DYNC2H1: variants seen among roughly 807,000 people sequenced by gnomAD.
The protein encoded by DYNC2H1 is cytoplasmic dynein 2 heavy chain 1.
Under a neutral mutation model 570.0 loss-of-function variants are expected in DYNC2H1, and 410 were observed. The ratio of observed to expected loss-of-function variants is 0.72; its 90% confidence interval spans 0.66 to 0.78. The LOEUF is 0.78. Among genes scored for constraint, DYNC2H1 ranks in the 30% least tolerant of loss-of-function variants. The pLI is 0.00. For synonymous variants in DYNC2H1, 1,688 were observed against 1,677.6 expected (o/e 1.01, Z -0.15); for missense variants, 4,865 against 5,046.4 (o/e 0.96, Z 1.09).
chr11:103,297,034 A>G (rs1866860034), intron 75 of DYNC2H1, among the ~76,000 whole-genome samples: 1 of 151,526 alleles, frequency 6.6e-6, no homozygotes, highest in Non-Finnish European at 1.5e-5. Context: ...TTATTCTTTC[A>G]TTATTACACA....
chr11:103,148,650 CT>C (rs1860368155), intron 20 of DYNC2H1, 33 bp downstream of exon 20: 1 of 1,533,598 alleles, frequency 6.5e-7, no homozygotes, highest in Non-Finnish European at 8.8e-7. Flanking sequence ...ATTATTATTA[CT>C]TTTTACTGCA....
intron 15 of DYNC2H1, 51 bp from the exon 16 acceptor site, chr11:103,135,444 T>C: frequency 7.2e-7 from 1 of 1,392,840 alleles, no homozygotes; most frequent in Non-Finnish European, 9.4e-7. Context: ...AAATGAAAAA[T>C]CCATTCTACT....
chr11:103,267,142 A>G (rs1865541353), intron 70 of DYNC2H1, among the ~76,000 whole-genome samples: 1 of 151,968 alleles, frequency 6.6e-6, no homozygotes, highest in African/African-American at 2.4e-5. Context: ...AAAAGGTTGC[A>G]TCTTGCCGGT....
At chr11:103,454,448 C>T (rs967850943) in intron 85 of DYNC2H1, among the ~76,000 whole-genome samples, 4 of 151,928 alleles carry the variant, frequency 2.6e-5, no homozygotes, top group African/African-American at 9.7e-5. Flanking sequence ...TTAATAACTT[C>T]CTGGTTCCAG....
intron 83 of DYNC2H1, among the ~76,000 whole-genome samples, chr11:103,390,339 C>A (rs7938110): frequency 0.03 from 4,410 of 148,420 alleles, 218 homozygotes; most frequent in African/African-American, 0.11. Flanking sequence ...TTTTTGTTTT[C>A]CATTTGCTTG....
chr11:103,435,804 T>C, intron 84 of DYNC2H1, 139 bp from the exon 85 acceptor site: 1 of 671,792 alleles, frequency 1.5e-6, no homozygotes, highest in Non-Finnish European at 2.6e-6. Context: ...TACTGTTCAA[T>C]TTAATGAGAT....
chr11:103,282,304 G>A, intron 72 of DYNC2H1, 75 bp downstream of exon 72: 1 of 1,329,158 alleles, frequency 7.5e-7, no homozygotes, highest in Non-Finnish European at 1.1e-6. Flanking sequence ...GGTATAATTT[G>A]CTTCAGAGGT....
Position 103,129,005 on chromosome 11 carries a change from G to T in DYNC2H1, c.1953G>T (p.Lys651Asn). ...CCTTAGCATTTGAACAGATAATTAA[G>T]GTAAATGGGCTTTTAATTTTATTAT... is the stretch of plus-strand genomic sequence containing the variant. ...QSALAFEQII[K>N]NSKAGSGGKS... Residue 651 changes from lysine (K) to asparagine (N), a missense_variant and splice_region_variant, in exon 13 of 89, where the codon AAG becomes AAT. Physicochemically the swap from Lys to Asn is moderately conservative, Grantham distance 94. Around this residue, in one of 5 missense-constraint regions of DYNC2H1, gnomAD observed 1,936 missense variants for 1,962.1 expected, o/e 0.99. Coordinates refer to ENST00000375735, the MANE Select transcript of DYNC2H1 (RefSeq NM_001377.3). The surrounding 1 kb of genome is among the most constrained non-coding windows in gnomAD (Gnocchi z 4.1). The T allele has an allele frequency of 6.3e-7, 1 of 1,595,026 alleles. No individual in the cohort carries two copies. Among genetic ancestry groups the T allele is most frequent in the Non-Finnish European group, 8.5e-7 (1 of 1,170,894 alleles).
At chr11:103,167,412 CAT>C (rs1267035731) in intron 31 of DYNC2H1, among the ~76,000 whole-genome samples, 1 of 151,958 alleles carries the variant, frequency 6.6e-6, no homozygotes, top group Non-Finnish European at 1.5e-5. Flanking sequence ...AGATTACAGA[CAT>C]GTGTCATCAT....
At chr11:103,355,956 C>G (rs968178031) in intron 82 of DYNC2H1, among the ~76,000 whole-genome samples, 1 of 152,130 alleles carries the variant, frequency 6.6e-6, no homozygotes, top group Non-Finnish European at 1.5e-5. Flanking sequence ...GTGATCCCCC[C>G]ACCTCAGCCT....
chr11:103,424,924 T>G (rs1321599051), intron 84 of DYNC2H1, among the ~76,000 whole-genome samples: 1 of 152,142 alleles, frequency 6.6e-6, no homozygotes, highest in African/African-American at 2.4e-5. Flanking sequence ...AGACATAATC[T>G]TGAACACAGA....
chr11:103,162,859 A>G (rs529773540), intron 29 of DYNC2H1, among the ~76,000 whole-genome samples, 169 bp from the exon 30 acceptor site: 1 of 152,354 alleles, frequency 6.6e-6, no homozygotes, highest in South Asian at 2.1e-4. Flanking sequence ...AAAGAATTAT[A>G]TTCCTATAAC....
chr11:103,164,709 A>G (rs1861228948), intron 30 of DYNC2H1, among the ~76,000 whole-genome samples: 1 of 152,166 alleles, frequency 6.6e-6, no homozygotes, highest in Non-Finnish European at 1.5e-5. Context: ...GAGCACACTT[A>G]ATTGTCATTA....
At chr11:103,162,132 C>A (rs938037804) in intron 29 of DYNC2H1, among the ~76,000 whole-genome samples, 10 of 151,992 alleles carry the variant, frequency 6.6e-5, no homozygotes, top group African/African-American at 2.4e-4. Flanking sequence ...TGGGCTAGAG[C>A]AGGTATACCA....
At position 103,275,150 on chromosome 11, in the gene DYNC2H1, A is replaced by G. The variant is rs976364306; in HGVS notation, c.10696-5198A>G. Reference sequence around the variant, plus strand: ...TTTATCTATGTAATATTCATTGGCTATGTTATAGTTGTGAATGTGTTTTTT... The same window carrying G: ...TTTATCTATGTAATATTCATTGGCTGTGTTATAGTTGTGAATGTGTTTTTT... On this transcript the variant is annotated intron_variant, in intron 70 of 88. Coordinates refer to ENST00000375735, the MANE Select transcript of DYNC2H1 (RefSeq NM_001377.3). This position sits in a 1 kb window ranked among gnomAD's most constrained non-coding sequence, Gnocchi z 4.8. Among the ~76,000 whole-genome samples the G allele has an allele frequency of 2.6e-5, 4 of 152,172 alleles. No homozygotes were observed. The highest frequency in any genetic ancestry group is 4.4e-5 in the Non-Finnish European group (3 of 68,024).
At chr11:103,379,015 G>C (rs1490766736) in intron 83 of DYNC2H1, among the ~76,000 whole-genome samples, 1 of 151,938 alleles carries the variant, frequency 6.6e-6, no homozygotes, top group African/African-American at 2.4e-5. Flanking sequence ...CCTATTCCTG[G>C]TAACTCAAAC....
intron 83 of DYNC2H1, among the ~76,000 whole-genome samples, chr11:103,382,647 G>T (rs1941702416): frequency 6.6e-6 from 1 of 151,596 alleles, no homozygotes; most frequent in Non-Finnish European, 1.5e-5. Flanking sequence ...TCTCAGTTGT[G>T]CTTAGAGCTT....
chr11:103,438,910 A>G (rs520728), intron 85 of DYNC2H1, among the ~76,000 whole-genome samples: 103,679 of 151,976 alleles, frequency 0.68, 36,790 homozygotes, highest in African/African-American at 0.9. Context: ...TCAGGAGACT[A>G]AGGCAAGAGG....
At position 103,216,021 on chromosome 11, in the gene DYNC2H1, G is replaced by A. The variant is rs1863369031; in HGVS notation, c.8832+163G>A. 4.8e-6 allele frequency: 4 copies of A among 830,138 alleles called. No individual in the cohort carries two copies. The East Asian group carries it at 8.3e-5, about 17-fold the overall frequency. 51.4% of individuals were successfully genotyped at this position (830,138 alleles called of 1,614,324 possible). A position where few individuals can be genotyped will look rare whatever the true frequency, so the allele number is the denominator to read the frequency against. ...CCTTAAGCTTTTGTGGAAGGGCATG[G>A]TATTTTCCTATATTGTTTAGACTGA... On this transcript the variant is annotated intron_variant, in intron 55 of 88. Coordinates refer to ENST00000375735, the MANE Select transcript of DYNC2H1 (RefSeq NM_001377.3).
Sources: gnomAD v4.1 joint callset for allele counts (sites outside exome capture counted in the v4.1 genomes callset) on GRCh38, gnomAD v4.1.1 for gene constraint, gnomAD v4.1.1 regional missense constraint, Gnocchi (gnomAD v3.1) non-coding constraint, MANE v1.5 for transcripts, NCBI Gene and HGNC (gene_info 2026-07-23, HGNC 2026-07-21) for gene names.